Variants in SORCS3 observed in about 807,000 individuals in gnomAD.
SORCS3 encodes VPS10 domain-containing receptor SorCS3.
Under a neutral mutation model 146.3 loss-of-function variants are expected in SORCS3, and 57 were observed. The ratio of observed to expected loss-of-function variants is 0.39; its 90% CI spans 0.31 to 0.49. The LOEUF (loss-of-function observed/expected upper bound fraction) is 0.49, where lower values mean the gene tolerates loss of function less well. Among genes scored for constraint, SORCS3 ranks in the 20% least tolerant of loss-of-function variants. The pLI is 0.92. For synonymous variants in SORCS3, 653 were observed against 618.5 expected (o/e 1.06, Z -0.83); for missense variants, 1,341 against 1,575.5 (o/e 0.85, Z 2.52).
chr10:104,687,204 C>T (rs1423857904), intron 1 of SORCS3, among the ~76,000 whole-genome samples: 2 of 152,230 alleles, frequency 1.3e-5, no homozygotes, highest in South Asian at 4.1e-4. Context: ...GTGGCCTTGT[C>T]TTTCCAACTG....
rs558283386 is a variant in SORCS3, at chr10:105,120,689, A to G, written c.1212+15174A>G. Among the ~76,000 whole-genome samples, 7 of 152,160 alleles carry G rather than the reference A, an allele frequency of 4.6e-5. No homozygotes were observed. The South Asian group carries it at 1.5e-3, about 32-fold the overall frequency. On this transcript the variant is annotated intron_variant, in intron 7 of 26. Transcript: ENST00000369701. ...TTGCTAGGTCAATTTGGCAAAGAAT[A>G]TTTTCCTTTAATCTCAGAGAACGGT... is the stretch of plus-strand genomic sequence containing the variant.
chr10:104,657,285 C>G (rs2015643328), intron 1 of SORCS3, among the ~76,000 whole-genome samples: 1 of 152,186 alleles, frequency 6.6e-6, no homozygotes, highest in Admixed American at 6.5e-5. Context: ...CAACCCCAAG[C>G]TGCCCTGAAT....
chr10:105,164,559 G>A (rs935161793), intron 12 of SORCS3, among the ~76,000 whole-genome samples, 180 bp downstream of exon 12: 3 of 152,200 alleles, frequency 2.0e-5, no homozygotes, highest in African/African-American at 7.2e-5. Context: ...ATAATGAGAA[G>A]GGCATTGGGC....
At chr10:105,123,711 A>G (rs1442812751) in intron 7 of SORCS3, among the ~76,000 whole-genome samples, 1 of 152,190 alleles carries the variant, frequency 6.6e-6, no homozygotes, top group African/African-American at 2.4e-5. Context: ...TGATAAATCT[A>G]TGAAGAAATA....
rs763292471 is a variant in SORCS3 at position 105,158,880 on chromosome 10, T to C, written c.1630-12T>C. On this transcript the variant is annotated splice_polypyrimidine_tract_variant and intron_variant, in intron 10 of 26. Transcript: ENST00000369701. ...ATTTCCTAGAATGAAACTATTTCTT[T>C]CTCCATTTTAGCCCTTCTGTTCCTT... 1.3e-6 allele frequency: 2 copies of C among 1,598,648 alleles called. No homozygotes were observed. The highest frequency in any genetic ancestry group is 1.1e-5 in the South Asian group (1 of 90,758).
At chr10:105,115,784 A>G (rs916306726) in intron 7 of SORCS3, among the ~76,000 whole-genome samples, 2 of 152,208 alleles carry the variant, frequency 1.3e-5, no homozygotes, top group Admixed American at 6.5e-5. Flanking sequence ...GCAGAAATTA[A>G]TAGAGTGTAA....
At chr10:105,045,592 T>C (rs1869165) in intron 5 of SORCS3, among the ~76,000 whole-genome samples, 21,245 of 152,094 alleles carry the variant, frequency 0.14, 1,803 homozygotes, top group South Asian at 0.2. Context: ...ATATTGAAGA[T>C]ATATGTTTTG....
At chr10:104,806,199 C>T (rs2017678090) in intron 1 of SORCS3, among the ~76,000 whole-genome samples, 1 of 152,184 alleles carries the variant, frequency 6.6e-6, no homozygotes, top group Admixed American at 6.5e-5. Flanking sequence ...CAGGATATTC[C>T]TGACTAACCT....
chr10:104,865,853 C>A (rs1051192581), intron 2 of SORCS3, among the ~76,000 whole-genome samples: 4 of 152,186 alleles, frequency 2.6e-5, no homozygotes, highest in African/African-American at 7.2e-5. Context: ...GTGGGAGGCT[C>A]ATGCTTTCTT....
At chr10:104,833,172 C>T (rs2018020235) in intron 1 of SORCS3, among the ~76,000 whole-genome samples, 1 of 152,144 alleles carries the variant, frequency 6.6e-6, no homozygotes, top group Admixed American at 6.5e-5. Flanking sequence ...TATGGGACAC[C>T]ATGACGGTGA....
At position 105,046,605 on chromosome 10, in the gene SORCS3, A is replaced by C. The variant is rs1328454921; in HGVS notation, c.1028+3477A>C. On this transcript the variant is annotated intron_variant, in intron 5 of 26. Coordinates refer to ENST00000369701, the MANE Select transcript of SORCS3 (RefSeq NM_014978.3). ...AGTTATCATTATTATCCGCTTCTTC[A>C]TTAGTGCCCCACCCTTCTTGTGGGT... Among the ~76,000 whole-genome samples, 5 of 152,270 alleles carry C rather than the reference A, an allele frequency of 3.3e-5. No homozygotes were observed. In the South Asian group the frequency reaches 1.0e-3, roughly 32 times the overall value.
At chr10:104,946,509 C>T (rs971892349) in intron 3 of SORCS3, among the ~76,000 whole-genome samples, 1 of 152,190 alleles carries the variant, frequency 6.6e-6, no homozygotes, top group African/African-American at 2.4e-5. Flanking sequence ...CGTAGTCAGA[C>T]CATCACAGGA....
chr10:104,994,315 A>G (rs545468006), intron 4 of SORCS3, among the ~76,000 whole-genome samples: 4 of 152,294 alleles, frequency 2.6e-5, no homozygotes, highest in African/African-American at 9.6e-5. Flanking sequence ...AATGTTTGAT[A>G]TGATTTCTGT....
intron 1 of SORCS3, among the ~76,000 whole-genome samples, chr10:104,718,140 C>T (rs1461441416): frequency 2.6e-5 from 4 of 151,516 alleles, no homozygotes; most frequent in South Asian, 4.2e-4. Context: ...AGTGAGACTC[C>T]GTCCTCAAAA....
chr10:105,045,123 T>C (rs2055362360), intron 5 of SORCS3, among the ~76,000 whole-genome samples: 1 of 151,604 alleles, frequency 6.6e-6, no homozygotes, highest in Admixed American at 6.6e-5. Flanking sequence ...GTTGGCCAAC[T>C]AGAAAGTCAG....
At chr10:105,216,078 T>C (rs2056663236) in intron 18 of SORCS3, among the ~76,000 whole-genome samples, 1 of 151,754 alleles carries the variant, frequency 6.6e-6, no homozygotes, top group Non-Finnish European at 1.5e-5. Flanking sequence ...ACCTGAATCA[T>C]TGGCATCATG....
At chr10:104,767,313 C>A (rs1305472440) in intron 1 of SORCS3, among the ~76,000 whole-genome samples, 1 of 152,136 alleles carries the variant, frequency 6.6e-6, no homozygotes, top group Non-Finnish European at 1.5e-5. Context: ...AAATGACCTT[C>A]TCAAGAGGGT....
At chr10:104,970,008 G>A (rs2054850488) in intron 3 of SORCS3, among the ~76,000 whole-genome samples, 1 of 151,968 alleles carries the variant, frequency 6.6e-6, no homozygotes, top group South Asian at 2.1e-4. Flanking sequence ...TAAAATCATG[G>A]GCATGAAGCT....
intron 5 of SORCS3, among the ~76,000 whole-genome samples, chr10:105,055,959 T>C (rs73340302): frequency 0.059 from 8,967 of 152,262 alleles, 287 homozygotes; most frequent in Middle Eastern, 0.088. Flanking sequence ...AATTCTTGCA[T>C]GTCTCAGAGG....
Sources: gnomAD v4.1 joint callset for allele counts (sites outside exome capture counted in the v4.1 genomes callset) on GRCh38, gnomAD v4.1.1 for gene constraint, MANE v1.5 for transcripts, NCBI Gene and HGNC (gene_info 2026-07-23, HGNC 2026-07-21) for gene names.